Variants in ALCAM observed in about 807,000 individuals in gnomAD.
ALCAM encodes the protein CD166 antigen.
Under a neutral mutation model 70.9 loss-of-function variants are expected in ALCAM, and 30 were observed. The observed-to-expected ratio is 0.42, with a 90% CI of 0.32 to 0.57. The LOEUF (loss-of-function observed/expected upper bound fraction) is 0.57. ALCAM is among the 20% of genes least tolerant of loss of function. ALCAM has a pLI of 0.11. For missense variants in ALCAM, 591 were observed against 695.1 expected, an observed-to-expected ratio of 0.85 and a Z score of 1.68; for synonymous variants, 249 against 242.5, an observed-to-expected ratio of 1.03 and a Z score of -0.25.
At chr3:105,441,606 AACTT>A (rs1467320030) in intron 1 of ALCAM, among the ~76,000 whole-genome samples, 15 of 152,290 alleles carry the variant, frequency 9.8e-5, no homozygotes, top group Admixed American at 2.6e-4. Flanking sequence ...CATCCTTCCC[AACTT>A]ACTTCTTATA....
intron 1 of ALCAM, among the ~76,000 whole-genome samples, chr3:105,501,059 A>G (rs1938904838): frequency 6.6e-6 from 1 of 152,216 alleles, no homozygotes; most frequent in Non-Finnish European, 1.5e-5. Flanking sequence ...GTTGTTTTCA[A>G]AGGCCTGGCA....
At chr3:105,572,933 T>C (rs1472431439) in intron 15 of ALCAM, among the ~76,000 whole-genome samples, 1 of 152,226 alleles carries the variant, frequency 6.6e-6, no homozygotes, top group African/African-American at 2.4e-5. Context: ...GCAAAGAAGC[T>C]TTATTTTTTG....
At chr3:105,492,097 A>G (rs879204198) in intron 1 of ALCAM, among the ~76,000 whole-genome samples, 1 of 152,214 alleles carries the variant, frequency 6.6e-6, no homozygotes, top group African/African-American at 2.4e-5. Flanking sequence ...CAATCATGGC[A>G]GAAGGGGAAG....
At chr3:105,408,351 G>A (rs1391491482) in intron 1 of ALCAM, among the ~76,000 whole-genome samples, 2 of 152,020 alleles carry the variant, frequency 1.3e-5, no homozygotes. Flanking sequence ...TATAAAAATA[G>A]GCACATAGAA....
chr3:105,473,123 A>G (rs1242531599), intron 1 of ALCAM, among the ~76,000 whole-genome samples: 1 of 151,558 alleles, frequency 6.6e-6, no homozygotes, highest in African/African-American at 2.4e-5. Context: ...AATATAGCAG[A>G]ATGCTAACCC....
chr3:105,552,409 A>T, intron 13 of ALCAM, 59 bp from the exon 14 acceptor site: 1 of 1,528,154 alleles, frequency 6.5e-7, no homozygotes, highest in East Asian at 2.3e-5. Context: ...AGCTAGATTG[A>T]CTTTCTGAAA....
At chr3:105,497,032 A>G (rs529491470) in intron 1 of ALCAM, among the ~76,000 whole-genome samples, 42 of 152,040 alleles carry the variant, frequency 2.8e-4, no homozygotes, top group Non-Finnish European at 5.1e-4. Flanking sequence ...AAACGTCTTT[A>G]CTCTATTTTT....
intron 1 of ALCAM, among the ~76,000 whole-genome samples, chr3:105,474,787 T>C (rs989925427): frequency 3.3e-5 from 5 of 151,818 alleles, no homozygotes; most frequent in Non-Finnish European, 7.4e-5. Context: ...AGTTTACTTA[T>C]TATAATTTAT....
At chr3:105,557,068 C>A (rs150068787) in intron 14 of ALCAM, among the ~76,000 whole-genome samples, 4 of 151,894 alleles carry the variant, frequency 2.6e-5, no homozygotes, top group African/African-American at 9.7e-5. Context: ...TATTTTGCTG[C>A]CTTACCAGGC....
intron 1 of ALCAM, among the ~76,000 whole-genome samples, chr3:105,440,308 A>T (rs1012764183): frequency 1.3e-5 from 2 of 152,234 alleles, no homozygotes; most frequent in Non-Finnish European, 2.9e-5. Context: ...AAGAGATAAC[A>T]AAGAAAGCAT....
chr3:105,460,011 CAT>C (rs1186828977), intron 1 of ALCAM, among the ~76,000 whole-genome samples: 1 of 151,866 alleles, frequency 6.6e-6, no homozygotes. Context: ...TTGCTGGAAA[CAT>C]TAATTCAAGA....
At chr3:105,420,160 G>A (rs1936610771) in intron 1 of ALCAM, among the ~76,000 whole-genome samples, 1 of 151,546 alleles carries the variant, frequency 6.6e-6, no homozygotes, top group East Asian at 1.9e-4. Flanking sequence ...TTTTACCATA[G>A]AGAGATGGTT....
At chr3:105,514,998 T>C (rs1258609729) in intron 1 of ALCAM, among the ~76,000 whole-genome samples, 2 of 151,914 alleles carry the variant, frequency 1.3e-5, no homozygotes, top group Non-Finnish European at 2.9e-5. Context: ...TCAGGTAACT[T>C]CTCTAACTCA....
chr3:105,446,003 C>T (rs181864264), intron 1 of ALCAM, among the ~76,000 whole-genome samples: 2 of 152,154 alleles, frequency 1.3e-5, no homozygotes, highest in East Asian at 3.9e-4. Flanking sequence ...TGTAAATGCT[C>T]CTGTACACCA....
At chr3:105,518,869 G>C (rs1023480587) in intron 1 of ALCAM, among the ~76,000 whole-genome samples, 10 of 151,898 alleles carry the variant, frequency 6.6e-5, no homozygotes, top group African/African-American at 2.4e-4. Flanking sequence ...TGTTCACTGG[G>C]GCAAAATTCT....
intron 1 of ALCAM, among the ~76,000 whole-genome samples, chr3:105,381,893 T>A (rs1034319004): frequency 6.6e-6 from 1 of 151,206 alleles, no homozygotes; most frequent in Admixed American, 6.6e-5. Context: ...CTCTTTTTTT[T>A]ATTGTCATAT....
chr3:105,489,736 TA>T (rs1938531349), intron 1 of ALCAM, among the ~76,000 whole-genome samples: 1 of 151,762 alleles, frequency 6.6e-6, no homozygotes, highest in African/African-American at 2.4e-5. Context: ...GGTACCAGTG[TA>T]AATACACATT....
chr3:105,439,686 A>C (rs1047236642), intron 1 of ALCAM, among the ~76,000 whole-genome samples: 5 of 152,126 alleles, frequency 3.3e-5, no homozygotes, highest in African/African-American at 1.2e-4. Flanking sequence ...GAAATCTAAA[A>C]TGTCATGTGC....
chr3:105,393,239 A>G (rs757925259), intron 1 of ALCAM, among the ~76,000 whole-genome samples: 1 of 151,818 alleles, frequency 6.6e-6, no homozygotes, highest in Non-Finnish European at 1.5e-5. Flanking sequence ...GAAGTTGCAT[A>G]GTTTGCTTCT....
Sources: gnomAD v4.1 joint callset for allele counts (sites outside exome capture counted in the v4.1 genomes callset) on GRCh38, gnomAD v4.1.1 for gene constraint, MANE v1.5 for transcripts, NCBI Gene and HGNC (gene_info 2026-07-23, HGNC 2026-07-21) for gene names.